The following KNOP1 variants were observed in gnomAD, a reference collection of about 807,000 sequenced individuals.
KNOP1 encodes lysine rich nucleolar protein 1, also known as lysine-rich nucleolar protein 1.
Under a neutral mutation model 30.6 loss-of-function variants are expected in KNOP1, and 20 were observed. The ratio of observed to expected loss-of-function variants is 0.65; its 90% CI spans 0.46 to 0.95. KNOP1 has a LOEUF of 0.95. Among genes scored for constraint, KNOP1 ranks in the 40% least tolerant of loss-of-function variants. KNOP1 has a pLI of 0.00. For missense variants in KNOP1, 540 were observed against 562.0 expected (o/e 0.96, Z 0.40); for synonymous variants, 204 against 210.0 (o/e 0.97, Z 0.25).
intron 4 of KNOP1, among the ~76,000 whole-genome samples, chr16:19,708,279 G>A (rs1264608622): frequency 6.6e-6 from 1 of 151,932 alleles, no homozygotes; most frequent in Admixed American, 6.6e-5. Flanking sequence ...CAGCCAGAGT[G>A]CGCTACCACC....
intron 4 of KNOP1, among the ~76,000 whole-genome samples, chr16:19,708,419 G>C (rs1312899552): frequency 6.6e-6 from 1 of 152,016 alleles, no homozygotes; most frequent in Non-Finnish European, 1.5e-5. Context: ...GCCTCCCCTG[G>C]GTGACCCTGC....
chr16:19,717,723 A>G (rs1253581544), intron 1 of KNOP1: 2 of 987,436 alleles, frequency 2.0e-6, no homozygotes, highest in African/African-American at 1.7e-5. Flanking sequence ...CTTTGTGAAT[A>G]CCCGACCTCG....
At chr16:19,712,152 G>A (rs1976754081) in intron 2 of KNOP1, 1 of 152,280 alleles carries the variant, frequency 6.6e-6, no homozygotes. Flanking sequence ...GAGCTCCTGG[G>A]AGAAGGGATT....
In KNOP1 at chr16:19,717,981, G is replaced by A. The variant is rs575334876; in HGVS notation, c.-3+177C>T. The stretch of plus-strand genomic sequence containing the variant: ...CGTGGGGTCCCAGGGCCGGCTCTGA[G>A]GCGGGAAAACTTTCTGGAGGCGGCG... On this transcript the variant is annotated intron_variant, in intron 1 of 4. Coordinates refer to ENST00000219837, the MANE Select transcript of KNOP1 (RefSeq NM_001012991.3). 13 of 1,294,218 alleles carry A rather than the reference G, an allele frequency of 1.0e-5. No individual in the cohort carries two copies. The South Asian group carries it at 2.1e-4, about 21-fold the overall frequency. 80.2% of individuals were successfully genotyped at this position (1,294,218 alleles called of 1,614,324 possible).
At chr16:19,711,837 C>T in intron 2 of KNOP1, 1 of 221,624 alleles carries the variant, frequency 4.5e-6, no homozygotes, top group Non-Finnish European at 9.0e-6. Context: ...CCAAGGACCA[C>T]ACTAACATGC....
rs1976307675 is a variant in KNOP1 at position 19,705,161 on chromosome 16, G to A, written c.*1749C>T. On this transcript the variant is annotated 3_prime_UTR_variant, in exon 5 of 5. Transcript: ENST00000219837. ...AACTGTTACTGCCATCTTTGTACTA[G>A]CCTTGATGAAGCCAACACTGGAGAT... 1 of 455,940 alleles carries A rather than the reference G, an allele frequency of 2.2e-6. No individual in the cohort carries two copies. Among genetic ancestry groups the A allele is most frequent in the African/African-American group, 2.0e-5 (1 of 50,068 alleles). The allele number at this position is 455,940 out of a possible 1,614,324, so 28.2% of individuals were successfully genotyped here. A position where few individuals can be genotyped will look rare whatever the true frequency, so the allele number is the denominator to read the frequency against.
Position 19,706,998 on chromosome 16 carries a change from CG to C in KNOP1, c.1288del (p.Arg430GlyfsTer32). On this transcript the variant is annotated frameshift_variant, in exon 5 of 5. Coordinates refer to ENST00000219837, the MANE Select transcript of KNOP1 (RefSeq NM_001012991.3). LOFTEE classifies it high-confidence loss of function. ...YDRAMSWKYSRGAGLGFSTAP... is the reference protein window; with the variant it reads ...YDRAMSWKYSXGAGLGFSTAP... The stretch of plus-strand genomic sequence containing the variant: ...GGTGGAGAAGCCGAGGCCGGCTCCC[CG>C]GCTGTACTTCCAGCTCATGGCCCGG... 1 of 1,614,010 alleles carries C rather than the reference CG, an allele frequency of 6.2e-7. No homozygotes were observed. The highest frequency in any genetic ancestry group is 8.5e-7 in the Non-Finnish European group (1 of 1,180,040).
Position 19,707,234 on chromosome 16 carries a change from G to A in KNOP1, c.1066-13C>T, listed in dbSNP as rs758564085. ...CAAACTGGGTTCCCTGTGAGGAGAG[G>A]AAAAAGGTGGCTATTTTCCTTGAGT... On this transcript the variant is annotated splice_polypyrimidine_tract_variant and intron_variant, in intron 4 of 4. Transcript: ENST00000219837. 1.2e-6 allele frequency: 2 copies of A among 1,601,060 alleles called. No homozygotes were observed. Among genetic ancestry groups the A allele is most frequent in the South Asian group, 2.2e-5 (2 of 89,110 alleles).
intron 4 of KNOP1, 62 bp downstream of exon 4, chr16:19,710,447 G>A (rs767806245): frequency 1.6e-5 from 25 of 1,533,962 alleles, no homozygotes; most frequent in East Asian, 9.0e-5. Context: ...TGCTGGAGGC[G>A]AGGGGAAGCG....
At position 19,706,800 on chromosome 16, in the gene KNOP1, C is replaced by A; in HGVS notation, c.*110G>T. The A allele has an allele frequency of 3.6e-6, 4 of 1,111,452 alleles. No homozygotes were observed. The highest frequency in any genetic ancestry group is 4.0e-6 in the Non-Finnish European group (3 of 755,462). 68.8% of individuals were successfully genotyped at this position (1,111,452 alleles called of 1,614,324 possible). The stretch of plus-strand genomic sequence containing the variant: ...TGGGAGTTATTTATATCTTACTGCT[C>A]GAGGTCCTCACCAAGATCTGATTTT... On this transcript the variant is annotated 3_prime_UTR_variant, in exon 5 of 5. Transcript: ENST00000219837.
intron 4 of KNOP1, among the ~76,000 whole-genome samples, chr16:19,707,926 CATAGCACTTCCCCCACTCCCTAT>C (rs1383354899): frequency 3.2e-5 from 3 of 92,418 alleles, no homozygotes; most frequent in African/African-American, 1.4e-4. Flanking sequence ...CACCTCCCTA[CATAGCACTTCCCCCACTCCCTAT>C]ACAGCGCACC....
chr16:19,711,625 T>C (rs1024591157), intron 2 of KNOP1, among the ~76,000 whole-genome samples, 185 bp from the exon 3 acceptor site: 2 of 152,046 alleles, frequency 1.3e-5, no homozygotes, highest in African/African-American at 2.4e-5. Flanking sequence ...TCTTCCACAA[T>C]TCTCCCGCAA....
At chr16:19,713,375 G>A (rs1976817689) in intron 2 of KNOP1, among the ~76,000 whole-genome samples, 1 of 152,194 alleles carries the variant, frequency 6.6e-6, no homozygotes, top group Non-Finnish European at 1.5e-5. Context: ...TTACAAGCAT[G>A]AGCCACCGCA....
chr16:19,714,476 C>A lies in KNOP1; in HGVS notation c.560G>T (p.Gly187Val), dbSNP rs1455156486. 2.5e-6 allele frequency: 4 copies of A among 1,614,016 alleles called. No individual in the cohort carries two copies. The highest frequency in any genetic ancestry group is 3.4e-6 in the Non-Finnish European group (4 of 1,180,026). The change falls in exon 2 of 5, where the codon GGG (glycine) becomes GTG (valine). Residue 187 changes from glycine to valine, a missense_variant. By Grantham distance (109) the Gly-to-Val change is moderately radical. Coordinates refer to ENST00000219837, the MANE Select transcript of KNOP1 (RefSeq NM_001012991.3). ...ARDVGDTCSVGKKDEEQAALG... is the reference protein window; with the variant it reads ...ARDVGDTCSVVKKDEEQAALG... The stretch of plus-strand genomic sequence containing the variant: ...GGCTGCCTGTTCCTCATCCTTCTTC[C>A]CCACTGAGCAAGTGTCCCCAACATC...
chr16:19,717,879 G>A, intron 1 of KNOP1: 1 of 1,055,246 alleles, frequency 9.5e-7, no homozygotes, highest in South Asian at 3.0e-5. Flanking sequence ...AGGACGCGCG[G>A]GAGCCAGGAA....
rs1052534804 is a variant in KNOP1, at chr16:19,708,013, AGCACACCTCCCCCACCTCCCCACAGG to A, written c.1066-818_1066-793del. ...CACCCCACCATGCATCTCACAAGAC[AGCACACCTCCCCCACCTCCCCACAGG>A]GCGCACCTCCCCTGCAACACAGGGC... On this transcript the variant is annotated intron_variant, in intron 4 of 4. Transcript: ENST00000219837. 4.4e-5 allele frequency among the ~76,000 whole-genome samples: 6 copies of A among 137,584 alleles called. No homozygotes were observed. In the East Asian group the frequency reaches 6.7e-4, roughly 15 times the overall value. 90.3% of individuals were successfully genotyped at this position (137,584 alleles called of 152,430 possible).
At chr16:19,711,281 A>G in intron 3 of KNOP1, 91 bp downstream of exon 3, 2 of 1,328,870 alleles carry the variant, frequency 1.5e-6, no homozygotes, top group Non-Finnish European at 2.2e-6. Context: ...CCCTGAGACC[A>G]GGATCACCTA....
Position 19,710,726 on chromosome 16 carries a change from C to T in KNOP1, c.988-140G>A, listed in dbSNP as rs2151647945. On this transcript the variant is annotated intron_variant, in intron 3 of 4. Transcript: ENST00000219837. ...TGACTCTGCTACAAACAATGGGAAGCTGCTATCATAAGTATTCTCTTAGCA... is the reference window on the plus strand; with the variant it reads ...TGACTCTGCTACAAACAATGGGAAGTTGCTATCATAAGTATTCTCTTAGCA... 5.8e-6 allele frequency: 4 copies of T among 692,926 alleles called. No individual in the cohort carries two copies. The East Asian group carries it at 1.0e-4, about 18-fold the overall frequency. 42.9% of individuals were successfully genotyped at this position (692,926 alleles called of 1,614,324 possible). A position where few individuals can be genotyped will look rare whatever the true frequency, so the allele number is the denominator to read the frequency against.
intron 2 of KNOP1, among the ~76,000 whole-genome samples, chr16:19,712,592 C>T (rs907635644): frequency 1.3e-5 from 2 of 152,210 alleles, no homozygotes; most frequent in African/African-American, 4.8e-5. Context: ...GGTATTAAGT[C>T]TCTGGAGCCT....
Sources: gnomAD v4.1 joint callset for allele counts (sites outside exome capture counted in the v4.1 genomes callset) on GRCh38, gnomAD v4.1.1 for gene constraint, MANE v1.5 for transcripts, NCBI Gene and HGNC (gene_info 2026-07-23, HGNC 2026-07-21) for gene names.